CD302: variants seen among roughly 807,000 people sequenced by gnomAD.
CD302 encodes the protein CD302 molecule.
In CD302, 23 loss-of-function variants were observed where a neutral mutation model predicts 26.5. The observed-to-expected ratio is 0.87, with a 90% CI of 0.62 to 1.23. The LOEUF is 1.23. Among genes scored for constraint, CD302 ranks in the 50% most tolerant of loss-of-function variants. CD302 has a pLI of 0.00. For synonymous variants in CD302, 90 were observed against 99.4 expected (o/e 0.91, Z 0.56); for missense variants, 290 against 275.5 (o/e 1.05, Z -0.37).
At chr2:159,781,281 G>C (rs927029861) in intron 2 of CD302, among the ~76,000 whole-genome samples, 4 of 152,044 alleles carry the variant, frequency 2.6e-5, no homozygotes, top group Non-Finnish European at 5.9e-5. Flanking sequence ...GGGCGTGGTG[G>C]CTCATGCCTG....
Position 159,795,020 on chromosome 2 carries a change from T to C in CD302, c.67+3112A>G, listed in dbSNP as rs930665342. ...TGGGCAGATCACGAGGCCAGGAGTTTGAGACCAGCCTGGCCAACATGGTGA... is the reference window on the plus strand; with the variant it reads ...TGGGCAGATCACGAGGCCAGGAGTTCGAGACCAGCCTGGCCAACATGGTGA... On this transcript the variant is annotated intron_variant, in intron 1 of 5. Coordinates refer to ENST00000259053, the MANE Select transcript of CD302 (RefSeq NM_014880.5). Among the ~76,000 whole-genome samples the C allele has an allele frequency of 4.6e-5, 7 of 150,800 alleles. No homozygotes were observed. The East Asian group carries it at 7.9e-4, about 17-fold the overall frequency.
chr2:159,781,594 AAAGAG>A (rs1480831070), intron 2 of CD302: 8 of 150,666 alleles, frequency 5.3e-5, no homozygotes, highest in African/African-American at 1.9e-4. Context: ...GAACAAATGA[AAAGAG>A]AGAGAAAGAA....
intron 1 of CD302, among the ~76,000 whole-genome samples, chr2:159,791,570 C>T (rs559408649): frequency 6.6e-4 from 101 of 152,296 alleles, no homozygotes; most frequent in Non-Finnish European, 1.3e-3. Context: ...GTTAACGCCA[C>T]GACAGCAGAG....
intron 1 of CD302, among the ~76,000 whole-genome samples, chr2:159,790,658 C>A (rs541218749): frequency 8.5e-4 from 130 of 152,158 alleles, no homozygotes; most frequent in Non-Finnish European, 1.1e-3. Flanking sequence ...CCTTTTATTG[C>A]TCTTTTTCTT....
chr2:159,776,222 T>G (rs1389174909), intron 5 of CD302, among the ~76,000 whole-genome samples: 2 of 152,012 alleles, frequency 1.3e-5, no homozygotes, highest in African/African-American at 4.8e-5. Flanking sequence ...TGTCAGAATT[T>G]TCTTCTCTTT....
At position 159,781,960 on chromosome 2, in the gene CD302, A is replaced by G. The variant is rs142015320; in HGVS notation, c.179-962T>C. Among the ~76,000 whole-genome samples, 458 of 152,270 alleles carry G rather than the reference A, an allele frequency of 3.0e-3. No homozygotes were observed. In the Middle Eastern group the frequency reaches 0.044, roughly 15 times the overall value. ...CTTCCAAATGTTATTGTTGAAGAAT[A>G]TAACAGTAATAAAAAGCACCTTTAG... On this transcript the variant is annotated intron_variant, in intron 2 of 5. Transcript: ENST00000259053.
chr2:159,785,028 G>A (rs1375972875), intron 1 of CD302, among the ~76,000 whole-genome samples: 1 of 145,122 alleles, frequency 6.9e-6, no homozygotes, highest in African/African-American at 2.6e-5. Context: ...AGGCTAGAGT[G>A]CAGTGGCATG....
rs1407848394 is a variant in CD302, at chr2:159,780,816, C to G, written c.295+66G>C. 2.8e-6 allele frequency: 4 copies of G among 1,410,054 alleles called. No individual in the cohort carries two copies. In the African/African-American group the frequency reaches 4.3e-5, roughly 15 times the overall value. 87.3% of individuals were successfully genotyped at this position (1,410,054 alleles called of 1,614,324 possible). A position where few individuals can be genotyped will look rare whatever the true frequency, so the allele number is the denominator to read the frequency against. On this transcript the variant is annotated intron_variant, in intron 3 of 5. Transcript: ENST00000259053. ...CAACTTGAACCAGAGAATTGAAAAG[C>G]CATCAGTTTTGCTACATTAAAAAAA...
intron 5 of CD302, among the ~76,000 whole-genome samples, chr2:159,774,897 T>G (rs1462675086): frequency 6.6e-6 from 1 of 152,208 alleles, no homozygotes; most frequent in Non-Finnish European, 1.5e-5. Context: ...CCTTGCTGCT[T>G]CAACTCCATG....
At chr2:159,781,477 T>C (rs1708506335) in intron 2 of CD302, 1 of 152,242 alleles carries the variant, frequency 6.6e-6, no homozygotes, top group East Asian at 1.9e-4. Flanking sequence ...GGAGAATTGC[T>C]TGAACCCAGG....
At chr2:159,790,974 A>T (rs1708791291) in intron 1 of CD302, among the ~76,000 whole-genome samples, 1 of 152,228 alleles carries the variant, frequency 6.6e-6, no homozygotes, top group African/African-American at 2.4e-5. Flanking sequence ...TGCTCCTGGC[A>T]TGCTGTGAAA....
intron 1 of CD302, among the ~76,000 whole-genome samples, chr2:159,788,807 C>A (rs976294403): frequency 2.0e-5 from 3 of 152,162 alleles, no homozygotes; most frequent in Non-Finnish European, 4.4e-5. Context: ...TTGAAAAGTT[C>A]TTGGCCATTA....
At chr2:159,777,117 G>A (rs1205219072) in intron 5 of CD302, among the ~76,000 whole-genome samples, 1 of 152,084 alleles carries the variant, frequency 6.6e-6, no homozygotes, top group African/African-American at 2.4e-5. Flanking sequence ...TGGGCATGGC[G>A]GCCCACACCT....
chr2:159,785,213 A>C (rs151234096), intron 1 of CD302, among the ~76,000 whole-genome samples: 27 of 152,150 alleles, frequency 1.8e-4, no homozygotes, highest in African/African-American at 6.5e-4. Context: ...TGGGCTCAGC[A>C]ATTCTCCCAC....
chr2:159,771,963 TG>T lies in CD302; in HGVS notation c.586del (p.His196IlefsTer25). 1 of 1,614,046 alleles carries T rather than the reference TG, an allele frequency of 6.2e-7. No individual in the cohort carries two copies. Among genetic ancestry groups the T allele is most frequent in the African/African-American group, 1.3e-5 (1 of 75,042 alleles). On this transcript the variant is annotated frameshift_variant, in exon 6 of 6. Coordinates refer to ENST00000259053, the MANE Select transcript of CD302 (RefSeq NM_014880.5). LOFTEE classifies it high-confidence loss of function. ...GAIIWFLYKK[H>X]SDSRFTTVFS... The stretch of plus-strand genomic sequence containing the variant: ...AACTGTGGTGAAACGAGAATCAGAA[TG>T]TTTTTTGTACAGGAACCAAATGATT...
chr2:159,784,251 A>T (rs533358188), intron 1 of CD302, among the ~76,000 whole-genome samples: 4 of 152,148 alleles, frequency 2.6e-5, no homozygotes, highest in Admixed American at 1.3e-4. Context: ...AGTACAAAGC[A>T]GTAAGCGTCC....
At chr2:159,772,082 G>A (rs1708165042) in intron 5 of CD302, 29 bp from the exon 6 acceptor site, 8 of 1,606,106 alleles carry the variant, frequency 5.0e-6, no homozygotes, top group Non-Finnish European at 6.8e-6. Flanking sequence ...AAGAGTATTT[G>A]GGAAATTAGG....
intron 1 of CD302, among the ~76,000 whole-genome samples, chr2:159,786,741 A>G (rs970135439): frequency 2.0e-5 from 3 of 152,204 alleles, no homozygotes; most frequent in African/African-American, 7.2e-5. Context: ...TAAAACATAC[A>G]TGCAATGCAC....
intron 1 of CD302, among the ~76,000 whole-genome samples, chr2:159,794,807 C>A (rs1029150507): frequency 6.6e-6 from 1 of 151,394 alleles, no homozygotes; most frequent in African/African-American, 2.4e-5. Flanking sequence ...CTCGGCCTCC[C>A]AAAGTGCTGG....
Sources: allele counts gnomAD v4.1 joint callset (sites outside exome capture counted in the v4.1 genomes callset), GRCh38; gene constraint gnomAD v4.1.1; transcripts MANE v1.5; gene names NCBI Gene and HGNC (gene_info 2026-07-23, HGNC 2026-07-21).